Variants in LRIT1 observed in about 807,000 individuals in gnomAD.
The protein encoded by LRIT1 is leucine-rich repeat, immunoglobulin-like domain and transmembrane domain-containing protein 1.
In LRIT1, 23 loss-of-function variants were observed where a neutral mutation model predicts 24.0. That is an observed-to-expected ratio of 0.96 (90% CI 0.69 to 1.36). The LOEUF (loss-of-function observed/expected upper bound fraction) is 1.36. Ranked by LOEUF, LRIT1 falls within the 40% of genes most tolerant of loss-of-function variation. The pLI, the probability that LRIT1 is intolerant of heterozygous loss-of-function variation, is 0.00. For missense variants in LRIT1, 846 were observed against 806.3 expected (o/e 1.05, Z -0.60); for synonymous variants, 361 against 340.5 (o/e 1.06, Z -0.66).
In LRIT1 at chr10:84,241,464, G is replaced by C. The variant is rs750919547; in HGVS notation, c.-25C>G. The C allele has an allele frequency of 3.3e-6, 5 of 1,518,898 alleles. No individual in the cohort carries two copies. The highest frequency in any genetic ancestry group is 4.4e-6 in the Non-Finnish European group (5 of 1,137,530). 94.1% of individuals were successfully genotyped at this position (1,518,898 alleles called of 1,614,324 possible). A position where few individuals can be genotyped will look rare whatever the true frequency, so the allele number is the denominator to read the frequency against. On this transcript the variant is annotated 5_prime_UTR_variant, in exon 1 of 4. Transcript: ENST00000372105. ...TGGCTCCTGGCTCCTCTCTGGCCCA[G>C]GCAGGGGCCTGTCCCTGGACCGCTC...
At chr10:84,236,519 G>A (rs1158874559) in intron 2 of LRIT1, among the ~76,000 whole-genome samples, 2 of 152,174 alleles carry the variant, frequency 1.3e-5, no homozygotes, top group Non-Finnish European at 2.9e-5. Context: ...AGATCTACGA[G>A]ATATAGTGTT....
Position 84,234,094 on chromosome 10 carries a change from C to T in LRIT1, c.874G>A (p.Gly292Ser), listed in dbSNP as rs1233599080. 7.7e-6 allele frequency: 12 copies of T among 1,563,122 alleles called. No individual in the cohort carries two copies. Among genetic ancestry groups the T allele is most frequent in the South Asian group, 2.4e-5 (2 of 82,936 alleles). The change falls in exon 3 of 4, where the codon GGC (glycine) becomes AGC (serine). Residue 292 changes from glycine (G) to serine (S), a missense_variant. Transcript: ENST00000372105. ...GPEMSWRRAN[G>S]RPLNGTVHQE... is the part of the protein sequence containing the mutation. ...ATACCTGTACCATTAAGGGGCCTGC[C>T]ATTGGCCCTCCTCCAGCTCATCTCG...
In LRIT1 at chr10:84,241,370, G is replaced by A; in HGVS notation, c.70C>T (p.Pro24Ser). 1.9e-6 allele frequency: 3 copies of A among 1,613,200 alleles called. No individual in the cohort carries two copies. Among genetic ancestry groups the A allele is most frequent in the Non-Finnish European group, 1.7e-6 (2 of 1,179,660 alleles). ...TGGAGGCTGCAGCTGCATTGAGAGG[G>A]GCAGAAGCCCCGGGCCTGGGGGGGC... ...AWPPQARGFCPSQCSCSLHIM... is the reference protein window; with the variant it reads ...AWPPQARGFCSSQCSCSLHIM... Residue 24 changes from proline to serine, a missense_variant, in exon 1 of 4, where the codon CCC becomes TCC. Physicochemically the swap from Pro to Ser is moderately conservative, Grantham distance 74. Transcript: ENST00000372105.
Position 84,237,662 on chromosome 10 carries a change from G to T in LRIT1, c.147C>A (p.Asp49Glu). ...GGATGGACGCCGGGGGCAGGGTCAT[G>T]TCGGGGTCGTTGCACACTACTGTCC... ...KARTVVCNDP[D>E]MTLPPASIPP... Residue 49 changes from aspartate (D) to glutamate (E), a missense_variant, in exon 2 of 4, where the codon GAC becomes GAA. By Grantham distance (45) the Asp-to-Glu change is conservative (BLOSUM62 2). Transcript: ENST00000372105. 1 of 1,603,318 alleles carries T rather than the reference G, an allele frequency of 6.2e-7. No individual in the cohort carries two copies.
chr10:84,237,317 G>C lies in LRIT1; in HGVS notation c.492C>G (p.Ser164Arg). ...LENLTFLDLSSNQLMRLPQEL... is the reference protein window; with the variant it reads ...LENLTFLDLSRNQLMRLPQEL... ...CCTGCGGGAGCCTCATCAGCTGGTTGCTGGAGAGGTCGAGGAAGGTGAGGT... is the reference window on the plus strand; with the variant it reads ...CCTGCGGGAGCCTCATCAGCTGGTTCCTGGAGAGGTCGAGGAAGGTGAGGT... The change falls in exon 2 of 4, where the codon AGC becomes AGG. Residue 164 changes from serine to arginine, a missense_variant. Coordinates refer to ENST00000372105, the MANE Select transcript of LRIT1 (RefSeq NM_015613.3). 6.4e-7 allele frequency: 1 copy of C among 1,551,058 alleles called. No homozygotes were observed. The highest frequency in any genetic ancestry group is 8.7e-7 in the Non-Finnish European group (1 of 1,146,988).
chr10:84,231,690 T>A lies in LRIT1; in HGVS notation c.*237A>T. 1.8e-6 allele frequency: 1 copy of A among 542,218 alleles called. No homozygotes were observed. The highest frequency in any genetic ancestry group is 2.4e-5 in the South Asian group (1 of 41,940). The allele number at this position is 542,218 out of a possible 1,614,324, so 33.6% of individuals were successfully genotyped here. ...CCCAGGGAAATGGAGAGAATAGTGA[T>A]GCCTGCTGCAAATGATTGTTACAAG... is the stretch of plus-strand genomic sequence containing the variant. On this transcript the variant is annotated 3_prime_UTR_variant, in exon 4 of 4. Coordinates refer to ENST00000372105, the MANE Select transcript of LRIT1 (RefSeq NM_015613.3).
rs367820272 is a variant in LRIT1 at position 84,232,294 on chromosome 10, C to A, written c.1505G>T (p.Gly502Val). 2.5e-6 allele frequency: 4 copies of A among 1,614,058 alleles called. No homozygotes were observed. The African/African-American group carries it at 5.3e-5, about 22-fold the overall frequency. ...TKYVACVCVQGLVPRKEQCVI... is the reference protein window; with the variant it reads ...TKYVACVCVQVLVPRKEQCVI... ...ACACTGCTCCTTCCGGGGCACCAGGCCCTGCACACAGACACACGCCACATA... is the reference window on the plus strand; with the variant it reads ...ACACTGCTCCTTCCGGGGCACCAGGACCTGCACACAGACACACGCCACATA... The change falls in exon 4 of 4, where the codon GGC becomes GTC. Residue 502 changes from glycine (G) to valine (V), a missense_variant. Coordinates refer to ENST00000372105, the MANE Select transcript of LRIT1 (RefSeq NM_015613.3).
At chr10:84,234,629 G>T (rs1440829537) in intron 2 of LRIT1, among the ~76,000 whole-genome samples, 6 of 152,202 alleles carry the variant, frequency 3.9e-5, no homozygotes, top group Non-Finnish European at 1.5e-5. Context: ...GTACCGGGTA[G>T]ATATACAGCA....
rs778115136 is a variant in LRIT1 at position 84,232,666 on chromosome 10, A to T, written c.1133T>A (p.Leu378Gln). Residue 378 changes from leucine to glutamine, a missense_variant, in exon 4 of 4, where the codon CTG becomes CAG. By Grantham distance (113) the Leu-to-Gln change is moderately radical. Transcript: ENST00000372105. ...GGEAAAYNNK[L>Q]VARHVPQIPK... is the part of the protein sequence containing the mutation. Reference sequence around the variant, plus strand: ...AATCTGGGGGACATGCCTGGCCACCAGCTTGTTGTTGTAAGCAGCAGCTTC... The same window carrying T: ...AATCTGGGGGACATGCCTGGCCACCTGCTTGTTGTTGTAAGCAGCAGCTTC... The T allele has an allele frequency of 1.2e-6, 2 of 1,613,532 alleles. No individual in the cohort carries two copies. The highest frequency in any genetic ancestry group is 2.7e-5 in the African/African-American group (2 of 74,940).
Position 84,232,722 on chromosome 10 carries a change from T to C in LRIT1, c.1077A>G (p.Gly359=), listed in dbSNP as rs3814210. 0.41 allele frequency: 654,133 copies of C among 1,613,334 alleles called. 141,019 individuals are homozygous for C. The highest frequency in any genetic ancestry group is 0.8 in the African/African-American group (60,256 of 74,970). The change falls in exon 4 of 4, where the codon GGA becomes GGG. Residue 359 remains glycine (G), a synonymous_variant. Transcript: ENST00000372105. The stretch of plus-strand genomic sequence containing the variant: ...CGCCACCTGTCCTTGCCCATAGTGC[T>C]CCTGGGCTCCCACTGTGTTCTGTGG... ...PTSTEHSGSP[G]ALWARTGGGG...
intron 1 of LRIT1, among the ~76,000 whole-genome samples, chr10:84,238,498 A>G (rs1414074157): frequency 1.3e-5 from 2 of 152,192 alleles, no homozygotes; most frequent in African/African-American, 2.4e-5. Context: ...CATGCGATCG[A>G]TGATCAAGTT....
Position 84,232,147 on chromosome 10 carries a change from G to A in LRIT1, c.1652C>T (p.Ala551Val). ...GCACTTTCGGCAGCGCTTCTGAAGAGCACTGCAGCAGACAAGCAGCGTGAG... is the reference window on the plus strand; with the variant it reads ...GCACTTTCGGCAGCGCTTCTGAAGAACACTGCAGCAGACAAGCAGCGTGAG... ...LPLTLLVCCS[A>V]LQKRCRKCFN... The change falls in exon 4 of 4, where the codon GCT becomes GTT. Residue 551 changes from alanine to valine, a missense_variant. Ala to Val is a moderately conservative substitution (Grantham distance 64). Transcript: ENST00000372105. 1 of 1,614,176 alleles carries A rather than the reference G, an allele frequency of 6.2e-7. No homozygotes were observed. The highest frequency in any genetic ancestry group is 1.1e-5 in the South Asian group (1 of 91,086).
Position 84,237,226 on chromosome 10 carries a change from C to A in LRIT1, c.583G>T (p.Val195Phe), listed in dbSNP as rs1397780999. The change falls in exon 2 of 4, where the codon GTC (valine) becomes TTC (phenylalanine). Residue 195 changes from valine to phenylalanine, a missense_variant. Val to Phe is a conservative substitution (Grantham distance 50). Transcript: ENST00000372105. ...GAAGGTTGCCGACCCTTACCTAGGACCCGCCTGGGGTGGTGGCCGGGAGGA... is the reference window on the plus strand; with the variant it reads ...GAAGGTTGCCGACCCTTACCTAGGAACCGCCTGGGGTGGTGGCCGGGAGGA... The part of the protein sequence containing the change: ...IFPPGHHPRR[V>F]LGLQDNPWAC... 6.5e-7 allele frequency: 1 copy of A among 1,550,050 alleles called. No individual in the cohort carries two copies. Among genetic ancestry groups the A allele is most frequent in the South Asian group, 1.2e-5 (1 of 83,970 alleles).
At position 84,241,389 on chromosome 10, in the gene LRIT1, G is replaced by C. The variant is rs746651692; in HGVS notation, c.51C>G (p.Pro17=). 3 of 1,611,604 alleles carry C rather than the reference G, an allele frequency of 1.9e-6. No homozygotes were observed. The highest frequency in any genetic ancestry group is 1.7e-5 in the Admixed American group (1 of 59,674). The change falls in exon 1 of 4, where the codon CCC becomes CCG. Residue 17 remains proline, a synonymous_variant. Coordinates refer to ENST00000372105, the MANE Select transcript of LRIT1 (RefSeq NM_015613.3). Reference sequence around the variant, plus strand: ...GAGAGGGGCAGAAGCCCCGGGCCTGGGGGGGCCACGCAAGGGCCAAGAGCC... The same window carrying C: ...GAGAGGGGCAGAAGCCCCGGGCCTGCGGGGGCCACGCAAGGGCCAAGAGCC... The part of the protein sequence containing the change: ...MLWLLALAWP[P]QARGFCPSQC...
Position 84,237,319 on chromosome 10 carries a change from T to C in LRIT1, c.490A>G (p.Ser164Gly). 1 of 1,551,006 alleles carries C rather than the reference T, an allele frequency of 6.4e-7. No homozygotes were observed. The highest frequency in any genetic ancestry group is 8.7e-7 in the Non-Finnish European group (1 of 1,146,972). ...TGCGGGAGCCTCATCAGCTGGTTGC[T>C]GGAGAGGTCGAGGAAGGTGAGGTTC... is the stretch of plus-strand genomic sequence containing the variant. ...LENLTFLDLSSNQLMRLPQEL... is the reference protein window; with the variant it reads ...LENLTFLDLSGNQLMRLPQEL... The change falls in exon 2 of 4, where the codon AGC (serine) becomes GGC (glycine). Residue 164 changes from serine (S) to glycine (G), a missense_variant. Transcript: ENST00000372105.
In LRIT1 at chr10:84,232,125, C is replaced by T. The variant is rs760386868; in HGVS notation, c.1674G>A (p.Lys558=). 7 of 1,614,078 alleles carry T rather than the reference C, an allele frequency of 4.3e-6. No homozygotes were observed. Among genetic ancestry groups the T allele is most frequent in the Non-Finnish European group, 5.9e-6 (7 of 1,180,044 alleles). The change falls in exon 4 of 4, where the codon AAG becomes AAA. Residue 558 remains lysine, a synonymous_variant. Transcript: ENST00000372105. ...CCSALQKRCR[K]CFNKDSTEAT... is the part of the protein sequence containing the mutation. The stretch of plus-strand genomic sequence containing the variant: ...CCTCAGTGGAGTCCTTGTTGAAGCA[C>T]TTTCGGCAGCGCTTCTGAAGAGCAC...
intron 2 of LRIT1, 128 bp downstream of exon 2, chr10:84,237,092 C>A: frequency 2.6e-6 from 2 of 766,066 alleles, no homozygotes; most frequent in South Asian, 1.7e-5. Context: ...AAACCCGCCG[C>A]TCTTGTGGAT....
Position 84,232,295 on chromosome 10 carries a change from C to G in LRIT1, c.1504G>C (p.Gly502Arg). The G allele has an allele frequency of 6.2e-7, 1 of 1,614,092 alleles. No homozygotes were observed. Among genetic ancestry groups the G allele is most frequent in the Non-Finnish European group, 8.5e-7 (1 of 1,180,006 alleles). The part of the protein sequence containing the change: ...TKYVACVCVQ[G>R]LVPRKEQCVI... Reference sequence around the variant, plus strand: ...CACTGCTCCTTCCGGGGCACCAGGCCCTGCACACAGACACACGCCACATAC... The same window carrying G: ...CACTGCTCCTTCCGGGGCACCAGGCGCTGCACACAGACACACGCCACATAC... The change falls in exon 4 of 4, where the codon GGC (glycine) becomes CGC (arginine). Residue 502 changes from glycine to arginine, a missense_variant. Physicochemically the swap from Gly to Arg is moderately radical, Grantham distance 125 (BLOSUM62 -2). Transcript: ENST00000372105.
In LRIT1 at chr10:84,234,092, G is replaced by A; in HGVS notation, c.876C>T (p.Gly292=). The A allele has an allele frequency of 3.2e-6, 5 of 1,560,000 alleles. No homozygotes were observed. The highest frequency in any genetic ancestry group is 4.3e-6 in the Non-Finnish European group (5 of 1,152,858). Reference sequence around the variant, plus strand: ...ACATACCTGTACCATTAAGGGGCCTGCCATTGGCCCTCCTCCAGCTCATCT... The same window carrying A: ...ACATACCTGTACCATTAAGGGGCCTACCATTGGCCCTCCTCCAGCTCATCT... ...GPEMSWRRAN[G]RPLNGTVHQE... Residue 292 remains glycine (G), a synonymous_variant, in exon 3 of 4, where the codon GGC becomes GGT. Transcript: ENST00000372105.
Sources: gnomAD v4.1 joint callset for allele counts (sites outside exome capture counted in the v4.1 genomes callset) on GRCh38, gnomAD v4.1.1 for gene constraint, MANE v1.5 for transcripts, NCBI Gene and HGNC (gene_info 2026-07-23, HGNC 2026-07-21) for gene names.